Variants in TTC23 observed in about 807,000 individuals in gnomAD.
TTC23 encodes tetratricopeptide repeat domain 23, also known as tetratricopeptide repeat protein 23.
Under a neutral mutation model 55.1 loss-of-function variants are expected in TTC23, and 58 were observed. The ratio of observed to expected loss-of-function variants is 1.05; its 90% CI spans 0.85 to 1.31. The LOEUF (loss-of-function observed/expected upper bound fraction) is 1.31. Among genes scored for constraint, TTC23 ranks in the 50% most tolerant of loss-of-function variants. TTC23 has a pLI of 0.00. For synonymous variants in TTC23, 203 were observed against 199.9 expected, an observed-to-expected ratio of 1.02 and a Z score of -0.13; for missense variants, 516 against 534.4, an observed-to-expected ratio of 0.97 and a Z score of 0.34.
At chr15:99,196,498 T>C (rs2075723447) in intron 9 of TTC23, among the ~76,000 whole-genome samples, 1 of 152,182 alleles carries the variant, frequency 6.6e-6, no homozygotes, top group Non-Finnish European at 1.5e-5. Context: ...AGTGTGCCTA[T>C]GCTAAGTAAA....
Position 99,156,212 on chromosome 15 carries a change from C to T in TTC23, c.1079G>A (p.Arg360Gln), listed in dbSNP as rs748821272. 14 of 1,614,088 alleles carry T rather than the reference C, an allele frequency of 8.7e-6. 1 individual carries two copies. Among genetic ancestry groups the T allele is most frequent in the Admixed American group, 5.0e-5 (3 of 60,010 alleles). Residue 360 changes from arginine to glutamine, a missense_variant, in exon 12 of 14, where the codon CGG becomes CAG. Arg to Gln is a conservative substitution (Grantham distance 43). Coordinates refer to ENST00000394132, the MANE Select transcript of TTC23 (RefSeq NM_001288615.3). ...DFSPEVAETY[R>Q]LLGGADLAQG... ...CGCCAGGTCTGCTCCTCCCAGGAGC[C>T]GGTATGTCTCTGCCACCTCGGGACT...
chr15:99,192,710 G>A (rs1235386580), intron 9 of TTC23, among the ~76,000 whole-genome samples: 1 of 152,212 alleles, frequency 6.6e-6, no homozygotes, highest in Non-Finnish European at 1.5e-5. Flanking sequence ...ACCACACAGG[G>A]TCCCTACTGG....
rs202124987 is a variant in TTC23, at chr15:99,138,032, C to G, written c.1322G>C (p.Arg441Pro). Residue 441 changes from arginine to proline, a missense_variant, in exon 14 of 14, where the codon CGG becomes CCG. Physicochemically the swap from Arg to Pro is moderately radical, Grantham distance 103. Coordinates refer to ENST00000394132, the MANE Select transcript of TTC23 (RefSeq NM_001288615.3). ...IPQDTLLGKARPGTTAD is the reference protein window; with the variant it reads ...IPQDTLLGKAPPGTTAD ...GCCTCAGTCTGCTGTTGTGCCGGGCCGGGCCTTCCCCAGCAGGGTGTCCTG... is the reference window on the plus strand; with the variant it reads ...GCCTCAGTCTGCTGTTGTGCCGGGCGGGGCCTTCCCCAGCAGGGTGTCCTG... 1.9e-6 allele frequency: 3 copies of G among 1,614,060 alleles called. No individual in the cohort carries two copies. Among genetic ancestry groups the G allele is most frequent in the Non-Finnish European group, 2.5e-6 (3 of 1,180,000 alleles).
intron 9 of TTC23, 132 bp downstream of exon 9, chr15:99,199,787 A>T: frequency 1.2e-6 from 1 of 864,246 alleles, no homozygotes; most frequent in Non-Finnish European, 1.7e-6. Context: ...TTGAGCATCT[A>T]CTCTAGGCCA....
At chr15:99,234,907 G>T (rs1172814069) in intron 4 of TTC23, 81 bp downstream of exon 4, 1 of 151,722 alleles carries the variant, frequency 6.6e-6, no homozygotes, top group Admixed American at 6.6e-5. Flanking sequence ...ATGTAAAATG[G>T]TATACCACTT....
intron 10 of TTC23, among the ~76,000 whole-genome samples, chr15:99,169,516 C>T (rs905291007): frequency 1.3e-5 from 2 of 152,180 alleles, no homozygotes; most frequent in African/African-American, 4.8e-5. Context: ...GGCCTGTGTA[C>T]ACCAGGGGTG....
At chr15:99,170,316 AT>A (rs1302257026) in intron 10 of TTC23, among the ~76,000 whole-genome samples, 1 of 152,170 alleles carries the variant, frequency 6.6e-6, no homozygotes, top group Non-Finnish European at 1.5e-5. Flanking sequence ...TTAGAGGGCA[AT>A]GCCTTCAATG....
At chr15:99,250,946 G>A (rs771409467), upstream of TTC23, among the ~76,000 whole-genome samples, 11 of 152,154 alleles carry the variant, frequency 7.2e-5, no homozygotes, top group Non-Finnish European at 1.6e-4. Context: ...GGTCAGACTG[G>A]CGCTGTTAGT....
chr15:99,178,558 A>C (rs1291420798), intron 9 of TTC23, among the ~76,000 whole-genome samples: 1 of 152,224 alleles, frequency 6.6e-6, no homozygotes, highest in Non-Finnish European at 1.5e-5. Flanking sequence ...TTCCCCTAAA[A>C]ATTTAGGCAG....
rs769773886 is a variant in TTC23 at position 99,161,838 on chromosome 15, T to C, written c.895A>G (p.Met299Val). The part of the protein sequence containing the change: ...DVAEQYFQES[M>V]AHLKDSEGMG... ...CCTTCAGAATCCTTAAGATGAGCCA[T>C]GCTCTCTTGAAAATACTGCTCAGCT... The change falls in exon 11 of 14, where the codon ATG becomes GTG. Residue 299 changes from methionine (M) to valine (V), a missense_variant. By Grantham distance (21) the Met-to-Val change is conservative (BLOSUM62 1). Transcript: ENST00000394132. 4 of 1,611,656 alleles carry C rather than the reference T, an allele frequency of 2.5e-6. No individual in the cohort carries two copies. The highest frequency in any genetic ancestry group is 1.7e-4 in the Middle Eastern group (1 of 6,052).
chr15:99,175,990 CA>C (rs2073504943), intron 9 of TTC23, among the ~76,000 whole-genome samples: 1 of 151,744 alleles, frequency 6.6e-6, no homozygotes, highest in South Asian at 2.1e-4. Context: ...GACTCTGTCT[CA>C]AAAAATAAAA....
intron 10 of TTC23, among the ~76,000 whole-genome samples, chr15:99,164,491 A>G (rs1039168424): frequency 2.0e-5 from 3 of 152,134 alleles, no homozygotes; most frequent in African/African-American, 7.2e-5. Flanking sequence ...ACAAGCACAT[A>G]AAGTCTGTTG....
rs564566604 is a variant in TTC23, at chr15:99,205,738, T to C, written c.582-5642A>G. ...TCTATAGGTTTTTCTGAATATAAGA[T>C]CATATCATCTACAAACAAGGATAAT... On this transcript the variant is annotated intron_variant, in intron 8 of 13. Coordinates refer to ENST00000394132, the MANE Select transcript of TTC23 (RefSeq NM_001288615.3). Among the ~76,000 whole-genome samples, 7 of 152,340 alleles carry C rather than the reference T, an allele frequency of 4.6e-5. No homozygotes were observed. In the East Asian group the frequency reaches 1.3e-3, roughly 29 times the overall value.
At chr15:99,152,314 C>T (rs879948927) in intron 12 of TTC23, among the ~76,000 whole-genome samples, 3 of 152,162 alleles carry the variant, frequency 2.0e-5, no homozygotes, top group East Asian at 1.9e-4. Flanking sequence ...CCTGCAGAAT[C>T]GTAATCCAAT....
At chr15:99,206,380 A>G (rs905540415) in intron 8 of TTC23, among the ~76,000 whole-genome samples, 1 of 152,140 alleles carries the variant, frequency 6.6e-6, no homozygotes, top group African/African-American at 2.4e-5. Flanking sequence ...TTTATGTAGG[A>G]TTGATATTAG....
chr15:99,238,148 C>A (rs1260933958), intron 3 of TTC23, among the ~76,000 whole-genome samples: 5 of 150,758 alleles, frequency 3.3e-5, no homozygotes, highest in African/African-American at 1.2e-4. Flanking sequence ...TTTTTTCTTT[C>A]AGTAGAGATG....
chr15:99,204,678 C>T (rs981245408), intron 8 of TTC23, among the ~76,000 whole-genome samples: 2 of 100,934 alleles, frequency 2.0e-5, no homozygotes, highest in Non-Finnish European at 3.8e-5. Flanking sequence ...TTCTGTGGCC[C>T]AGGCTGGAGT....
chr15:99,179,664 A>G (rs1196440086), intron 9 of TTC23, among the ~76,000 whole-genome samples: 1 of 152,228 alleles, frequency 6.6e-6, no homozygotes, highest in African/African-American at 2.4e-5. Context: ...TCTGGAGCAG[A>G]AGAACCCAAA....
chr15:99,201,237 A>G lies in TTC23; in HGVS notation c.582-1141T>C, dbSNP rs73463372. On this transcript the variant is annotated intron_variant, in intron 8 of 13. Transcript: ENST00000394132. ...GAAAATATTTCTATACCTTCTTAGA[A>G]TAAGAATCTCTCATATAAAAAATGT... 5.8e-3 allele frequency among the ~76,000 whole-genome samples: 890 copies of G among 152,358 alleles called. 7 individuals are homozygous for G. The highest frequency in any genetic ancestry group is 0.021 in the African/African-American group (858 of 41,582).
Sources: allele counts gnomAD v4.1 joint callset (sites outside exome capture counted in the v4.1 genomes callset), GRCh38; gene constraint gnomAD v4.1.1; transcripts MANE v1.5; gene names NCBI Gene and HGNC (gene_info 2026-07-23, HGNC 2026-07-21).